The following PITPNC1 variants were observed in gnomAD, a reference collection of about 807,000 sequenced individuals.
The protein encoded by PITPNC1 is phosphatidylinositol transfer protein cytoplasmic 1.
A neutral mutation model predicts 44.7 loss-of-function variants in PITPNC1; 18 were observed. The ratio of observed to expected loss-of-function variants is 0.40; its 90% CI spans 0.28 to 0.60. PITPNC1 has a LOEUF of 0.60. Among genes scored for constraint, PITPNC1 ranks in the 20% least tolerant of loss-of-function variants. PITPNC1 has a pLI of 0.39. For missense variants in PITPNC1, 290 were observed against 418.4 expected, an observed-to-expected ratio of 0.69 and a Z score of 2.68; for synonymous variants, 141 against 149.6, an observed-to-expected ratio of 0.94 and a Z score of 0.42.
At chr17:67,595,379 AT>A (rs1257558721) in intron 5 of PITPNC1, among the ~76,000 whole-genome samples, 3 of 151,660 alleles carry the variant, frequency 2.0e-5, no homozygotes, top group Admixed American at 1.3e-4. Context: ...TATAAAATGG[AT>A]TTCTTACTAA....
intron 1 of PITPNC1, among the ~76,000 whole-genome samples, chr17:67,380,082 T>TG (rs2037935034): frequency 6.6e-6 from 1 of 151,276 alleles, no homozygotes. Flanking sequence ...TCTTTTCTTT[T>TG]TTTTTTTTTT....
chr17:67,483,923 T>C (rs887902239), intron 1 of PITPNC1, among the ~76,000 whole-genome samples: 7 of 151,042 alleles, frequency 4.6e-5, no homozygotes, highest in South Asian at 2.1e-4. Flanking sequence ...TCTTTCTTTT[T>C]TTTTTTTTTT....
At chr17:67,647,400 C>T (rs1298623016) in intron 6 of PITPNC1, among the ~76,000 whole-genome samples, 1 of 151,454 alleles carries the variant, frequency 6.6e-6, no homozygotes, top group Non-Finnish European at 1.5e-5. Context: ...AAGCCATTCT[C>T]CTGCCTTGGC....
chr17:67,442,239 A>G lies in PITPNC1; in HGVS notation c.48+64037A>G, dbSNP rs1415431312. On this transcript the variant is annotated intron_variant, in intron 1 of 8. Transcript: ENST00000581322. Reference sequence around the variant, plus strand: ...TATATATATATATATATATATATATATATATATATGCATGAAAATATCCTC... The same window carrying G: ...TATATATATATATATATATATATATGTATATATATGCATGAAAATATCCTC... Among the ~76,000 whole-genome samples the G allele has an allele frequency of 1.3e-4, 17 of 126,734 alleles. No individual in the cohort carries two copies. In the East Asian group the frequency reaches 1.4e-3, roughly 10 times the overall value. The allele number at this position is 126,734 out of a possible 152,430, so 83.1% of individuals were successfully genotyped here.
At chr17:67,494,190 T>C (rs1449865876) in intron 1 of PITPNC1, among the ~76,000 whole-genome samples, 2 of 143,552 alleles carry the variant, frequency 1.4e-5, no homozygotes, top group African/African-American at 5.4e-5. Context: ...TTTCTTTTTC[T>C]TTCTTTCTTT....
chr17:67,432,292 A>G (rs1473983345), intron 1 of PITPNC1, among the ~76,000 whole-genome samples: 1 of 152,164 alleles, frequency 6.6e-6, no homozygotes, highest in Non-Finnish European at 1.5e-5. Flanking sequence ...GATGGAGACC[A>G]TCCTGGCTAA....
intron 5 of PITPNC1, chr17:67,613,442 G>A (rs2041715036): frequency 6.6e-6 from 1 of 152,110 alleles, no homozygotes; most frequent in African/African-American, 2.4e-5. Context: ...TGTTCACTGT[G>A]TTATTATAAA....
chr17:67,491,521 G>A (rs1463551574), intron 1 of PITPNC1, among the ~76,000 whole-genome samples: 4 of 152,300 alleles, frequency 2.6e-5, no homozygotes, highest in South Asian at 2.1e-4. Context: ...GCACACGCAC[G>A]CTGATGGTCT....
intron 2 of PITPNC1, among the ~76,000 whole-genome samples, chr17:67,551,053 T>G (rs1248179316): frequency 6.6e-6 from 1 of 151,966 alleles, no homozygotes; most frequent in Non-Finnish European, 1.5e-5. Flanking sequence ...AGAGCGAGAC[T>G]CCGTGTCAAA....
In PITPNC1 at chr17:67,425,507, C is replaced by T. The variant is rs564342767; in HGVS notation, c.48+47305C>T. ...CCTCCTTCCTTCCTTCTCTCTCATTCGCTATTTCTTTTCTTTCTTTCTTTT... is the reference window on the plus strand; with the variant it reads ...CCTCCTTCCTTCCTTCTCTCTCATTTGCTATTTCTTTTCTTTCTTTCTTTT... On this transcript the variant is annotated intron_variant, in intron 1 of 8. Transcript: ENST00000581322. Among the ~76,000 whole-genome samples, 7 of 123,054 alleles carry T rather than the reference C, an allele frequency of 5.7e-5. No homozygotes were observed. In the East Asian group the frequency reaches 1.1e-3, roughly 20 times the overall value. The allele number at this position is 123,054 out of a possible 152,430, so 80.7% of individuals were successfully genotyped here.
At chr17:67,399,592 TAA>T (rs1292554559) in intron 1 of PITPNC1, among the ~76,000 whole-genome samples, 2 of 152,162 alleles carry the variant, frequency 1.3e-5, no homozygotes, top group African/African-American at 4.8e-5. Context: ...CAGCAAGTAA[TAA>T]GTCATTAGCA....
chr17:67,440,327 A>C (rs1454069108), intron 1 of PITPNC1, among the ~76,000 whole-genome samples: 1 of 152,058 alleles, frequency 6.6e-6, no homozygotes, highest in Non-Finnish European at 1.5e-5. Flanking sequence ...CCTAATAACA[A>C]AAAGTAAGAT....
rs999426976 is a variant in PITPNC1 at position 67,430,898 on chromosome 17, A to G, written c.48+52696A>G. 2.0e-5 allele frequency among the ~76,000 whole-genome samples: 3 copies of G among 151,102 alleles called. 1 individual carries two copies. In the South Asian group the frequency reaches 6.3e-4, roughly 32 times the overall value. Reference sequence around the variant, plus strand: ...GGGCCCAGGAAGGTTGCAGTGAGAAATGATCACACCACTGCACTCCAGCCT... The same window carrying G: ...GGGCCCAGGAAGGTTGCAGTGAGAAGTGATCACACCACTGCACTCCAGCCT... On this transcript the variant is annotated intron_variant, in intron 1 of 8. Transcript: ENST00000581322.
chr17:67,507,093 A>G (rs951950115), intron 1 of PITPNC1, among the ~76,000 whole-genome samples: 19 of 152,218 alleles, frequency 1.2e-4, no homozygotes, highest in Admixed American at 5.9e-4. Flanking sequence ...TCCCACTTCA[A>G]CGAGTCACTG....
At chr17:67,519,176 T>G (rs896658852) in intron 1 of PITPNC1, among the ~76,000 whole-genome samples, 1 of 142,904 alleles carries the variant, frequency 7.0e-6, no homozygotes, top group East Asian at 2.0e-4. Flanking sequence ...ATTCTGTTTT[T>G]TTTTTTTTTT....
intron 4 of PITPNC1, among the ~76,000 whole-genome samples, chr17:67,563,277 A>G (rs867596966): frequency 7.1e-4 from 108 of 152,232 alleles, no homozygotes; most frequent in African/African-American, 2.5e-3. Flanking sequence ...TCAAGTCTGT[A>G]TAGAGTTTCG....
At chr17:67,463,382 TG>T (rs1381202762) in intron 1 of PITPNC1, among the ~76,000 whole-genome samples, 1 of 152,144 alleles carries the variant, frequency 6.6e-6, no homozygotes, top group African/African-American at 2.4e-5. Context: ...TACATGCAGT[TG>T]TGGCAATATT....
chr17:67,618,364 CAAAAAAAAA>C (rs11417487), intron 5 of PITPNC1, among the ~76,000 whole-genome samples: 177 of 76,866 alleles, frequency 2.3e-3, no homozygotes, highest in Middle Eastern at 0.024. Context: ...GACTCCGTCT[CAAAAAAAAA>C]AAAAAAAAAA....
At chr17:67,556,182 T>C (rs985796240) in intron 4 of PITPNC1, among the ~76,000 whole-genome samples, 1 of 151,970 alleles carries the variant, frequency 6.6e-6, no homozygotes, top group Non-Finnish European at 1.5e-5. Context: ...GCAGTTGCAA[T>C]GTGAAAAGAA....
Sources: gnomAD v4.1 joint callset for allele counts (sites outside exome capture counted in the v4.1 genomes callset) on GRCh38, gnomAD v4.1.1 for gene constraint, MANE v1.5 for transcripts, NCBI Gene and HGNC (gene_info 2026-07-23, HGNC 2026-07-21) for gene names.